The following PARD3B variants were observed in gnomAD, a reference collection of about 807,000 sequenced individuals.
PARD3B encodes the protein par-3 family cell polarity regulator beta.
A neutral mutation model predicts 130.2 loss-of-function variants in PARD3B; 103 were observed. That is an observed-to-expected ratio of 0.79 (90% CI 0.67 to 0.93). PARD3B has a LOEUF of 0.93. Among genes scored for constraint, PARD3B ranks in the 40% least tolerant of loss-of-function variants. The probability of loss-of-function intolerance (pLI) is 0.00; values close to 1 mark genes in which losing one functional copy is unlikely to be tolerated. For synonymous variants in PARD3B, 583 were observed against 553.2 expected (o/e 1.05, Z -0.76); for missense variants, 1,609 against 1,499.2 (o/e 1.07, Z -1.21).
intron 3 of PARD3B, among the ~76,000 whole-genome samples, chr2:205,018,228 G>C (rs1696306625): frequency 6.6e-6 from 1 of 152,144 alleles, no homozygotes; most frequent in Non-Finnish European, 1.5e-5. Context: ...GTCTAAAAGT[G>C]AGTACTCACT....
In PARD3B at chr2:205,291,832, GT is replaced by G. The variant is rs1262023109; in HGVS notation, c.2186-8695del. Among the ~76,000 whole-genome samples the G allele has an allele frequency of 6.6e-6, 1 of 152,208 alleles. No homozygotes were observed. On this transcript the variant is annotated intron_variant, in intron 16 of 22. Coordinates refer to ENST00000406610, the MANE Select transcript of PARD3B (RefSeq NM_001302769.2). The surrounding 1 kb of genome is among the most constrained non-coding windows in gnomAD (Gnocchi z 4.6). ...ATACTAAGGATGTGGTCAAACAACT[GT>G]TTGATAAGGAGATTAGTATGGATCA...
chr2:205,302,857 C>T (rs1235187062), intron 18 of PARD3B, among the ~76,000 whole-genome samples: 1 of 152,198 alleles, frequency 6.6e-6, no homozygotes, highest in Admixed American at 6.5e-5. Context: ...GCCTTACTTT[C>T]CTTACTTTTA....
chr2:205,530,182 A>G lies in PARD3B; in HGVS notation c.3181-23142A>G, dbSNP rs952809389. ...ACCTTACAGCTGCAACTCGTGAAAT[A>G]GTAAACCAAAAGTTCTCTCCGCCAC... is the stretch of plus-strand genomic sequence containing the variant. On this transcript the variant is annotated intron_variant, in intron 21 of 22. Coordinates refer to ENST00000406610, the MANE Select transcript of PARD3B (RefSeq NM_001302769.2). This position sits in a 1 kb window ranked among gnomAD's most constrained non-coding sequence, Gnocchi z 4.7. Among the ~76,000 whole-genome samples the G allele has an allele frequency of 6.6e-6, 1 of 152,226 alleles. No individual in the cohort carries two copies. The highest frequency in any genetic ancestry group is 2.4e-5 in the African/African-American group (1 of 41,456).
At chr2:204,997,581 A>T (rs1045052775) in intron 3 of PARD3B, among the ~76,000 whole-genome samples, 1 of 150,208 alleles carries the variant, frequency 6.7e-6, no homozygotes, top group Non-Finnish European at 1.5e-5. Flanking sequence ...TTTAAGCCAG[A>T]AAGTATTCTT....
At chr2:204,594,912 A>T (rs779968576) in intron 1 of PARD3B, among the ~76,000 whole-genome samples, 1 of 152,162 alleles carries the variant, frequency 6.6e-6, no homozygotes, top group African/African-American at 2.4e-5. Context: ...AGGTGCTTTT[A>T]TTCACTTTCT....
intron 4 of PARD3B, among the ~76,000 whole-genome samples, chr2:205,098,111 G>A (rs1220115233): frequency 6.6e-6 from 1 of 152,030 alleles, no homozygotes; most frequent in Non-Finnish European, 1.5e-5. Flanking sequence ...ATTATGCCCA[G>A]AATTTTAATT....
intron 19 of PARD3B, among the ~76,000 whole-genome samples, chr2:205,433,567 A>G (rs1453638265): frequency 6.6e-6 from 1 of 151,592 alleles, no homozygotes; most frequent in Non-Finnish European, 1.5e-5. Flanking sequence ...AAATTGAGGT[A>G]TAATTTACAT....
chr2:205,539,234 T>C (rs1051873505), intron 21 of PARD3B, among the ~76,000 whole-genome samples: 1 of 152,188 alleles, frequency 6.6e-6, no homozygotes, highest in Admixed American at 6.5e-5. Context: ...GAAATAGTCT[T>C]ATGAGGAATT....
Position 204,561,136 on chromosome 2 carries a change from A to G in PARD3B, c.120+15017A>G, listed in dbSNP as rs147441471. Among the ~76,000 whole-genome samples, 775 of 152,218 alleles carry G rather than the reference A, an allele frequency of 5.1e-3. 10 individuals carry two copies. The highest frequency in any genetic ancestry group is 7.1e-3 in the Non-Finnish European group (480 of 67,992). On this transcript the variant is annotated intron_variant, in intron 1 of 22. Transcript: ENST00000406610. ...AGAACAGATGAAAGGGTTGGTGAGC[A>G]GTGTGAGGGCCTGGAGCAATCAGAA...
Position 205,497,866 on chromosome 2 carries a change from AGAGT to A in PARD3B, c.3045-2029_3045-2026del, listed in dbSNP as rs756626694. ...TAAGTGATATGCTTCTGTCATTATT[AGAGT>A]AAATTCAAAATACCCCCAAACTATG... On this transcript the variant is annotated intron_variant, in intron 20 of 22. Transcript: ENST00000406610. 2.0e-3 allele frequency among the ~76,000 whole-genome samples: 304 copies of A among 152,224 alleles called. 1 individual carries two copies. Among genetic ancestry groups the A allele is most frequent in the Middle Eastern group, 0.014 (4 of 294 alleles).
chr2:204,908,074 C>A (rs2047099524), intron 2 of PARD3B, among the ~76,000 whole-genome samples: 1 of 152,112 alleles, frequency 6.6e-6, no homozygotes, highest in Non-Finnish European at 1.5e-5. Context: ...TACATTGTTA[C>A]CAGCCTCTCT....
chr2:205,386,650 G>A (rs564735158), intron 18 of PARD3B, among the ~76,000 whole-genome samples: 1 of 43,398 alleles, frequency 2.3e-5, no homozygotes, highest in Non-Finnish European at 4.7e-5. Flanking sequence ...TAATTAAGTA[G>A]AGTTTTTTTT....
chr2:205,475,631 A>G (rs1402565368), intron 20 of PARD3B, among the ~76,000 whole-genome samples: 1 of 152,172 alleles, frequency 6.6e-6, no homozygotes, highest in Non-Finnish European at 1.5e-5. Flanking sequence ...CTGCAAATAC[A>G]TATGGTGGCA....
intron 11 of PARD3B, among the ~76,000 whole-genome samples, chr2:205,165,842 G>T (rs1304467664): frequency 6.6e-6 from 1 of 152,084 alleles, no homozygotes; most frequent in African/African-American, 2.4e-5. Flanking sequence ...ATGGAGTGAG[G>T]TTCTTAAGAC....
intron 21 of PARD3B, among the ~76,000 whole-genome samples, chr2:205,506,258 G>C (rs905326188): frequency 6.6e-6 from 1 of 152,132 alleles, no homozygotes; most frequent in Non-Finnish European, 1.5e-5. Context: ...ACTTGAACCC[G>C]GGAGGCGGAA....
At chr2:205,093,139 C>T (rs1702207923) in intron 4 of PARD3B, among the ~76,000 whole-genome samples, 1 of 152,108 alleles carries the variant, frequency 6.6e-6, no homozygotes, top group Admixed American at 6.6e-5. Context: ...TTGAATCCCC[C>T]CAGAGTCCAG....
chr2:204,921,532 A>G (rs2047680838), intron 2 of PARD3B, among the ~76,000 whole-genome samples: 1 of 145,294 alleles, frequency 6.9e-6, no homozygotes, highest in African/African-American at 2.5e-5. Context: ...GTAGGGTGGA[A>G]GAAGCACTCA....
chr2:204,890,073 G>T lies in PARD3B; in HGVS notation c.223-75079G>T, dbSNP rs1467466010. 6.6e-6 allele frequency among the ~76,000 whole-genome samples: 1 copy of T among 152,154 alleles called. No homozygotes were observed. The highest frequency in any genetic ancestry group is 2.4e-5 in the African/African-American group (1 of 41,426). ...TGGCATATGTTCTCTGGGACTATCG[G>T]TTTTATTGCAACTGGATGCAGAATT... On this transcript the variant is annotated intron_variant, in intron 2 of 22. Coordinates refer to ENST00000406610, the MANE Select transcript of PARD3B (RefSeq NM_001302769.2). This position sits in a 1 kb window ranked among gnomAD's most constrained non-coding sequence, Gnocchi z 4.9.
intron 2 of PARD3B, among the ~76,000 whole-genome samples, chr2:204,891,635 C>T (rs115173889): frequency 6.6e-6 from 1 of 152,168 alleles, no homozygotes; most frequent in East Asian, 1.9e-4. Context: ...AAAAAGCTTA[C>T]TGCAGTCTCA....
Sources: gnomAD v4.1 joint callset for allele counts (sites outside exome capture counted in the v4.1 genomes callset) on GRCh38, gnomAD v4.1.1 for gene constraint, Gnocchi (gnomAD v3.1) non-coding constraint, MANE v1.5 for transcripts, NCBI Gene and HGNC (gene_info 2026-07-23, HGNC 2026-07-21) for gene names.